TIA1: variants seen among roughly 807,000 people sequenced by gnomAD.
TIA1 encodes TIA1 cytotoxic granule associated RNA binding protein.
In TIA1, 23 loss-of-function variants were observed where a neutral mutation model predicts 65.9. The observed-to-expected ratio is 0.35, with a 90% confidence interval of 0.25 to 0.49. The LOEUF is 0.49. Among genes scored for constraint, TIA1 ranks in the 20% least tolerant of loss-of-function variants. TIA1 has a pLI of 0.98. For missense variants in TIA1, 371 were observed against 477.9 expected (o/e 0.78, Z 2.09); for synonymous variants, 147 against 149.4 (o/e 0.98, Z 0.12).
chr2:70,248,335 G>A (rs1376184322), intron 1 of TIA1, 70 bp downstream of exon 1: 17 of 1,524,198 alleles, frequency 1.1e-5, no homozygotes, highest in Non-Finnish European at 1.5e-5. Flanking sequence ...GGCTGGGAGC[G>A]GCGCAGGGCC....
In TIA1 at chr2:70,238,334, G is replaced by A. The variant is rs1295217590; in HGVS notation, c.27-2159C>T. The stretch of plus-strand genomic sequence containing the variant: ...CGCCCAGGCTGGAGTGCAGTGGTGC[G>A]ATCTCGGCTCATTGCAACCTCCACC... On this transcript the variant is annotated intron_variant, in intron 1 of 12. Transcript: ENST00000433529. Among the ~76,000 whole-genome samples, 9 of 131,250 alleles carry A rather than the reference G, an allele frequency of 6.9e-5. 1 individual carries two copies. The South Asian group carries it at 1.3e-3, about 19-fold the overall frequency. 86.1% of individuals were successfully genotyped at this position (131,250 alleles called of 152,430 possible). A position where few individuals can be genotyped will look rare whatever the true frequency, so the allele number is the denominator to read the frequency against.
intron 8 of TIA1, 185 bp downstream of exon 8, chr2:70,216,701 C>G (rs1678772875): frequency 1.4e-6 from 2 of 1,480,724 alleles, no homozygotes; most frequent in African/African-American, 2.8e-5. Flanking sequence ...TAATAGGAGA[C>G]TTGACATTAG....
At chr2:70,215,301 T>C in intron 11 of TIA1, 70 bp downstream of exon 11, 1 of 1,583,530 alleles carries the variant, frequency 6.3e-7, no homozygotes. Context: ...ACAAGGATTA[T>C]CAACAATCTT....
chr2:70,215,999 G>A (rs746433854), intron 10 of TIA1: 12 of 515,724 alleles, frequency 2.3e-5, no homozygotes, highest in African/African-American at 1.2e-4. Context: ...TGATCCACCC[G>A]TCTCGGCCTC....
intron 11 of TIA1, 139 bp downstream of exon 11, chr2:70,215,232 A>C (rs1052796485): frequency 1.9e-6 from 2 of 1,064,652 alleles, no homozygotes; most frequent in Non-Finnish European, 2.7e-6. Context: ...ACCATTCTGG[A>C]ACTATAATAC....
At chr2:70,223,745 TA>T (rs933418215) in intron 7 of TIA1, among the ~76,000 whole-genome samples, 8 of 150,040 alleles carry the variant, frequency 5.3e-5, no homozygotes, top group African/African-American at 1.7e-4. Context: ...AAAAAAAAAT[TA>T]AAAAAAAAGT....
intron 1 of TIA1, among the ~76,000 whole-genome samples, chr2:70,239,950 G>A (rs975298756): frequency 6.6e-6 from 1 of 152,186 alleles, no homozygotes; most frequent in Non-Finnish European, 1.5e-5. Flanking sequence ...GAGAATGCTA[G>A]TTAATAAATG....
chr2:70,229,395 G>A (rs370585802), intron 3 of TIA1, 77 bp from the exon 4 acceptor site: 1 of 1,233,618 alleles, frequency 8.1e-7, no homozygotes, highest in African/African-American at 1.5e-5. Context: ...TAAACACATA[G>A]GAAGATATCT....
chr2:70,224,048 G>C (rs1413934489), intron 7 of TIA1, among the ~76,000 whole-genome samples: 1 of 152,124 alleles, frequency 6.6e-6, no homozygotes, highest in African/African-American at 2.4e-5. Context: ...TTCCCGAGTA[G>C]CTGGGACTAC....
chr2:70,217,134 T>C (rs1046806385), intron 7 of TIA1, 140 bp from the exon 8 acceptor site: 1 of 654,852 alleles, frequency 1.5e-6, no homozygotes, highest in Non-Finnish European at 2.3e-6. Flanking sequence ...TATGATAGCT[T>C]TCCTAAAATG....
intron 2 of TIA1, among the ~76,000 whole-genome samples, chr2:70,231,239 T>A (rs935607101): frequency 6.6e-6 from 1 of 151,420 alleles, no homozygotes; most frequent in Non-Finnish European, 1.5e-5. Context: ...GAGGTGGAGG[T>A]TGCAGTAAGC....
chr2:70,228,886 G>A (rs959964418), intron 5 of TIA1, 173 bp downstream of exon 5: 61 of 1,447,290 alleles, frequency 4.2e-5, no homozygotes, highest in Admixed American at 1.7e-4. Flanking sequence ...CCAAAGTAGC[G>A]GACAAGTTAT....
intron 1 of TIA1, among the ~76,000 whole-genome samples, chr2:70,239,284 G>A (rs1690611499): frequency 1.3e-5 from 2 of 151,992 alleles, no homozygotes; most frequent in Non-Finnish European, 2.9e-5. Flanking sequence ...AGTAGAGATG[G>A]GGTTTCACCA....
At chr2:70,240,181 T>C (rs754803561) in intron 1 of TIA1, among the ~76,000 whole-genome samples, 12 of 152,084 alleles carry the variant, frequency 7.9e-5, no homozygotes, top group Non-Finnish European at 1.8e-4. Flanking sequence ...AGTGATAAAA[T>C]TTTCAATTAT....
rs1374169572 is a variant in TIA1, at chr2:70,248,609, C to T, written c.-179G>A. On this transcript the variant is annotated 5_prime_UTR_variant, in exon 1 of 13. Coordinates refer to ENST00000433529, the MANE Select transcript of TIA1 (RefSeq NM_022173.4). ...GCCCGGCCCAGCGGGAACAATGAAA[C>T]CCCAATACAAGATGGCGGCGAGCCG... The T allele has an allele frequency of 1.3e-5, 11 of 837,968 alleles. No homozygotes were observed. The highest frequency in any genetic ancestry group is 1.9e-5 in the Non-Finnish European group (10 of 530,106). The allele number at this position is 837,968 out of a possible 1,614,324, so 51.9% of individuals were successfully genotyped here. A position where few individuals can be genotyped will look rare whatever the true frequency, so the allele number is the denominator to read the frequency against.
At chr2:70,246,522 GA>G (rs1402972965) in intron 1 of TIA1, among the ~76,000 whole-genome samples, 3 of 152,150 alleles carry the variant, frequency 2.0e-5, no homozygotes, top group Non-Finnish European at 4.4e-5. Context: ...CTACTTTGAG[GA>G]AGAGTTTCTT....
rs779896843 is a variant in TIA1 at position 70,248,507 on chromosome 2, T to C, written c.-77A>G. 6.9e-6 allele frequency: 11 copies of C among 1,597,114 alleles called. No homozygotes were observed. In the East Asian group the frequency reaches 1.8e-4, roughly 26 times the overall value. On this transcript the variant is annotated 5_prime_UTR_variant, in exon 1 of 13. Coordinates refer to ENST00000433529, the MANE Select transcript of TIA1 (RefSeq NM_022173.4). ...ACCTCCCAAATCGTTTAAGCGGTTA[T>C]GGCTACAGGATAGTGGGGTTTCTCG... is the stretch of plus-strand genomic sequence containing the variant.
intron 1 of TIA1, among the ~76,000 whole-genome samples, chr2:70,240,706 T>C (rs955227481): frequency 6.6e-6 from 1 of 152,096 alleles, no homozygotes; most frequent in Non-Finnish European, 1.5e-5. Flanking sequence ...TCATCTCTAC[T>C]ACAATAAATA....
intron 7 of TIA1, among the ~76,000 whole-genome samples, chr2:70,223,297 G>C (rs67035281): frequency 0.084 from 12,822 of 151,854 alleles, 572 homozygotes; most frequent in East Asian, 0.18. Flanking sequence ...GTAAAGTTTT[G>C]AGAACCAAAT....
Sources: gnomAD v4.1 joint callset for allele counts (sites outside exome capture counted in the v4.1 genomes callset) on GRCh38, gnomAD v4.1.1 for gene constraint, MANE v1.5 for transcripts, NCBI Gene and HGNC (gene_info 2026-07-23, HGNC 2026-07-21) for gene names.